Variants in C1QTNF3 observed in about 807,000 individuals in gnomAD.
C1QTNF3 encodes the protein C1q and TNF related 3, also known as complement C1q tumor necrosis factor-related protein 3.
In C1QTNF3, 26 loss-of-function variants were observed where a neutral mutation model predicts 32.6. The ratio of observed to expected loss-of-function variants is 0.80; its 90% CI spans 0.58 to 1.11. The LOEUF is 1.11. Among genes scored for constraint, C1QTNF3 ranks in the 50% least tolerant of loss-of-function variants. The probability of loss-of-function intolerance (pLI) is 0.00; values close to 1 mark genes in which losing one functional copy is unlikely to be tolerated. For synonymous variants in C1QTNF3, 155 were observed against 146.0 expected (o/e 1.06, Z -0.44); for missense variants, 362 against 398.2 (o/e 0.91, Z 0.77).
the C1QTNF3 span, among the ~76,000 whole-genome samples, chr5:34,215,005 G>A: frequency 6.6e-6 from 1 of 152,118 alleles, no homozygotes; most frequent in East Asian, 1.9e-4. Context: ...TTAAAATTAT[G>A]TTTTGCTACC....
chr5:34,035,365 T>C (rs1754710769), intron 2 of C1QTNF3, among the ~76,000 whole-genome samples: 1 of 152,190 alleles, frequency 6.6e-6, no homozygotes, highest in South Asian at 2.1e-4. Flanking sequence ...GTGACTGGCA[T>C]TGAGATGGCT....
the C1QTNF3 span, among the ~76,000 whole-genome samples, chr5:34,136,643 T>G: frequency 1.3e-5 from 2 of 152,218 alleles, no homozygotes; most frequent in Admixed American, 1.3e-4. Context: ...GCAATCACAT[T>G]ACTGGGTATA....
chr5:34,062,995 T>C, the C1QTNF3 span, among the ~76,000 whole-genome samples: 61 of 152,234 alleles, frequency 4.0e-4, no homozygotes, highest in African/African-American at 1.4e-3. Context: ...ATTTGGGCCA[T>C]CCATGGGTTA....
At chr5:34,081,756 A>C in the C1QTNF3 span, among the ~76,000 whole-genome samples, 1 of 151,634 alleles carries the variant, frequency 6.6e-6, no homozygotes, top group African/African-American at 2.4e-5. Flanking sequence ...TTTATTTATA[A>C]TGATAAGTCA....
chr5:34,090,186 G>A, the C1QTNF3 span, among the ~76,000 whole-genome samples: 1 of 150,042 alleles, frequency 6.7e-6, no homozygotes, highest in Non-Finnish European at 1.5e-5. Flanking sequence ...AATCTGTATG[G>A]ACGATCATAA....
chr5:34,172,280 T>C, the C1QTNF3 span, among the ~76,000 whole-genome samples: 1 of 152,074 alleles, frequency 6.6e-6, no homozygotes, highest in African/African-American at 2.4e-5. Context: ...ATAAAAATGA[T>C]AAAATAGAAC....
the C1QTNF3 span, among the ~76,000 whole-genome samples, chr5:34,194,621 T>C: frequency 5.9e-5 from 9 of 151,946 alleles, no homozygotes; most frequent in African/African-American, 2.2e-4. Context: ...GCCCCATTTG[T>C]TACTTCTCCA....
chr5:34,052,137 T>TAA, the C1QTNF3 span, among the ~76,000 whole-genome samples: 1 of 151,426 alleles, frequency 6.6e-6, no homozygotes, highest in Non-Finnish European at 1.5e-5. Flanking sequence ...GACCGCGTCT[T>TAA]AAAAAAAAAT....
At chr5:34,052,746 G>A in the C1QTNF3 span, among the ~76,000 whole-genome samples, 1 of 152,212 alleles carries the variant, frequency 6.6e-6, no homozygotes, top group Non-Finnish European at 1.5e-5. Context: ...ACAGCTCAGG[G>A]ATTGGAGAAG....
chr5:34,228,940 C>T, the C1QTNF3 span, among the ~76,000 whole-genome samples: 1 of 151,340 alleles, frequency 6.6e-6, no homozygotes, highest in Non-Finnish European at 1.5e-5. Flanking sequence ...CACACATTTT[C>T]CTTAGGATGC....
Position 34,043,031 on chromosome 5 carries a change from C to G in C1QTNF3, c.95G>C (p.Arg32Thr). 6.2e-7 allele frequency: 1 copy of G among 1,614,176 alleles called. No individual in the cohort carries two copies. Among genetic ancestry groups the G allele is most frequent in the Non-Finnish European group, 8.5e-7 (1 of 1,180,028 alleles). Reference protein sequence around the residue: ...CQDEYMEVSGRTNKVVARIVQ... With the variant: ...CQDEYMEVSGTTNKVVARIVQ... ...TATTCTTGCCACCACTTTATTAGTT[C>G]TTCCGCTCACCTCCATGTATTCATC... The change falls in exon 1 of 6, where the codon AGA (arginine) becomes ACA (threonine). Residue 32 changes from arginine to threonine, a missense_variant. Transcript: ENST00000382065.
At chr5:34,132,383 T>TCAA in the C1QTNF3 span, among the ~76,000 whole-genome samples, 7 of 149,798 alleles carry the variant, frequency 4.7e-5, no homozygotes, top group African/African-American at 1.7e-4. Flanking sequence ...AGACTCCATT[T>TCAA]CAACAACAAC....
the C1QTNF3 span, chr5:34,176,024 T>C: frequency 1.5e-6 from 1 of 659,954 alleles, no homozygotes; most frequent in Middle Eastern, 4.1e-4. Flanking sequence ...AAAATAAAGA[T>C]CCACTTGATG....
the C1QTNF3 span, among the ~76,000 whole-genome samples, chr5:34,170,731 C>CAT: frequency 1.3e-5 from 2 of 152,066 alleles, no homozygotes; most frequent in African/African-American, 4.8e-5. Flanking sequence ...ACGGTGATAA[C>CAT]ATCTCTCTCC....
chr5:34,098,996 T>C, the C1QTNF3 span, among the ~76,000 whole-genome samples: 9 of 152,240 alleles, frequency 5.9e-5, no homozygotes, highest in Non-Finnish European at 1.3e-4. Flanking sequence ...ACATGTTAAC[T>C]GGAACTGTGT....
the C1QTNF3 span, among the ~76,000 whole-genome samples, chr5:34,087,249 C>A: frequency 1.3e-5 from 2 of 149,648 alleles, no homozygotes; most frequent in Admixed American, 1.3e-4. Context: ...TACTATATCT[C>A]CAAGCTGCGA....
At chr5:34,095,849 A>C in the C1QTNF3 span, among the ~76,000 whole-genome samples, 93 of 151,496 alleles carry the variant, frequency 6.1e-4, no homozygotes, top group African/African-American at 2.2e-3. Flanking sequence ...TGGAAGGTTA[A>C]TTGTGCCTGT....
At chr5:34,036,982 C>T (rs1754759191) in intron 1 of C1QTNF3, among the ~76,000 whole-genome samples, 1 of 152,096 alleles carries the variant, frequency 6.6e-6, no homozygotes, top group Non-Finnish European at 1.5e-5. Context: ...ATGATTATCT[C>T]ACTGTTTGAA....
At chr5:34,052,562 T>C in the C1QTNF3 span, among the ~76,000 whole-genome samples, 2 of 152,236 alleles carry the variant, frequency 1.3e-5, no homozygotes, top group African/African-American at 4.8e-5. Context: ...TCCTTGACTT[T>C]CTAGCTGTTA....
Sources: gnomAD v4.1 joint callset for allele counts (sites outside exome capture counted in the v4.1 genomes callset) on GRCh38, gnomAD v4.1.1 for gene constraint, MANE v1.5 for transcripts, NCBI Gene and HGNC (gene_info 2026-07-23, HGNC 2026-07-21) for gene names.